Variants in GLI2 observed in about 807,000 individuals in gnomAD.
GLI2 encodes transcription activator GLI2.
GLI2 carries 22 observed loss-of-function variants against 78.9 expected under a neutral mutation model. The observed-to-expected ratio is 0.28, with a 90% CI of 0.20 to 0.40. The LOEUF is 0.40. Ranked by LOEUF, GLI2 falls within the 10% of genes least tolerant of loss-of-function variation. The pLI is 1.00. For missense variants in GLI2, 2,097 were observed against 2,213.2 expected, an observed-to-expected ratio of 0.95 and a Z score of 1.05; for synonymous variants, 974 against 963.7, an observed-to-expected ratio of 1.01 and a Z score of -0.20.
At chr2:120,786,152 G>A (rs1042293305) in intron 1 of GLI2, among the ~76,000 whole-genome samples, 2 of 152,194 alleles carry the variant, frequency 1.3e-5, no homozygotes, top group Non-Finnish European at 2.9e-5. Flanking sequence ...CACCCTGGAC[G>A]GGTCTCAGCG....
intron 5 of GLI2, among the ~76,000 whole-genome samples, chr2:120,965,989 A>G (rs1376860092): frequency 6.6e-6 from 1 of 152,220 alleles, no homozygotes; most frequent in African/African-American, 2.4e-5. Flanking sequence ...GCTTACTAAA[A>G]TATCTGTAAG....
intron 1 of GLI2, among the ~76,000 whole-genome samples, chr2:120,781,377 G>A (rs564145438): frequency 5.3e-5 from 8 of 152,314 alleles, no homozygotes; most frequent in South Asian, 2.1e-4. Context: ...TTGCCCTGCC[G>A]GGGTCAGAGC....
In GLI2 at chr2:120,992,274, C is replaced by G. The variant is rs559064382; in HGVS notation, c.*1599C>G. ...AGGGAACATTGCTAAGGGTCTGTGG[C>G]TCTGTGGTGGTGTTCATCGCCTTCC... On this transcript the variant is annotated 3_prime_UTR_variant, in exon 14 of 14. Transcript: ENST00000361492. 1 of 152,534 alleles carries G rather than the reference C, an allele frequency of 6.6e-6. No homozygotes were observed. The highest frequency in any genetic ancestry group is 1.5e-5 in the Non-Finnish European group (1 of 68,060). 9.4% of individuals were successfully genotyped at this position (152,534 alleles called of 1,614,324 possible).
intron 1 of GLI2, among the ~76,000 whole-genome samples, chr2:120,786,143 A>G (rs1169038424): frequency 6.6e-6 from 1 of 152,090 alleles, no homozygotes; most frequent in African/African-American, 2.4e-5. Context: ...TCTCCCCACC[A>G]CCCTGGACGG....
chr2:120,802,005 C>T (rs1684729385), intron 2 of GLI2, among the ~76,000 whole-genome samples: 2 of 152,186 alleles, frequency 1.3e-5, no homozygotes, highest in Non-Finnish European at 2.9e-5. Context: ...GAGTGTCCAG[C>T]CTTGGTAAGG....
intron 2 of GLI2, among the ~76,000 whole-genome samples, chr2:120,918,272 C>T (rs1679194484): frequency 6.6e-6 from 1 of 152,046 alleles, no homozygotes; most frequent in Non-Finnish European, 1.5e-5. Context: ...CGGTGGATGC[C>T]TTATATGAGT....
At chr2:120,963,565 GGT>G (rs1245773381) in intron 5 of GLI2, among the ~76,000 whole-genome samples, 1 of 151,664 alleles carries the variant, frequency 6.6e-6, no homozygotes, top group Non-Finnish European at 1.5e-5. Context: ...GTCCACCTGG[GGT>G]GTGTGTGTAT....
intron 2 of GLI2, among the ~76,000 whole-genome samples, chr2:120,920,445 T>C (rs1389733225): frequency 6.6e-6 from 1 of 152,192 alleles, no homozygotes; most frequent in African/African-American, 2.4e-5. Context: ...CAGGATCATT[T>C]CTAATGGGGC....
intron 1 of GLI2, among the ~76,000 whole-genome samples, chr2:120,742,767 T>C (rs2104622975): frequency 6.6e-6 from 1 of 152,306 alleles, no homozygotes; most frequent in African/African-American, 2.4e-5. Flanking sequence ...ATGATTTCTT[T>C]TCAATTCCTA....
chr2:120,850,390 C>T (rs183165954), intron 2 of GLI2, among the ~76,000 whole-genome samples: 12 of 152,298 alleles, frequency 7.9e-5, no homozygotes, highest in Non-Finnish European at 1.5e-4. Flanking sequence ...TTCCGATCAA[C>T]AGCAGTGAGT....
At chr2:120,750,496 C>A (rs1488778488) in intron 1 of GLI2, among the ~76,000 whole-genome samples, 1 of 152,220 alleles carries the variant, frequency 6.6e-6, no homozygotes, top group Non-Finnish European at 1.5e-5. Context: ...ATGAGGATAA[C>A]TCTAAGACCC....
chr2:120,741,562 T>C (rs1266583753), intron 1 of GLI2, among the ~76,000 whole-genome samples: 1 of 151,372 alleles, frequency 6.6e-6, no homozygotes, highest in African/African-American at 2.4e-5. Flanking sequence ...TCTCTCCCTC[T>C]CTTTTCTGTC....
At chr2:120,955,959 G>A (rs1207336413) in intron 5 of GLI2, among the ~76,000 whole-genome samples, 3 of 152,138 alleles carry the variant, frequency 2.0e-5, no homozygotes, top group East Asian at 1.9e-4. Flanking sequence ...GGGTGGGAGT[G>A]GGGGTGAGGC....
intron 2 of GLI2, among the ~76,000 whole-genome samples, chr2:120,888,724 C>T (rs540872071): frequency 1.2e-4 from 18 of 152,290 alleles, no homozygotes; most frequent in South Asian, 8.3e-4. Context: ...TGACTAGCAT[C>T]GACAATGCCA....
chr2:120,873,988 T>C (rs540368636), intron 2 of GLI2, among the ~76,000 whole-genome samples: 1 of 152,298 alleles, frequency 6.6e-6, no homozygotes, highest in Admixed American at 6.5e-5. Flanking sequence ...AGGGATAATC[T>C]GCTGCCCCCA....
chr2:120,927,167 A>G (rs1463168982), intron 2 of GLI2, among the ~76,000 whole-genome samples, 194 bp from the exon 3 acceptor site: 3 of 152,196 alleles, frequency 2.0e-5, no homozygotes, highest in African/African-American at 4.8e-5. Context: ...TATGTGAAAG[A>G]TGTAGAATTC....
At chr2:120,841,860 T>A (rs1686894758) in intron 2 of GLI2, among the ~76,000 whole-genome samples, 1 of 150,508 alleles carries the variant, frequency 6.6e-6, no homozygotes. Context: ...TGTGTGTGTG[T>A]GTGTGTGTGT....
At chr2:120,823,012 G>A (rs1685854795) in intron 2 of GLI2, among the ~76,000 whole-genome samples, 1 of 152,138 alleles carries the variant, frequency 6.6e-6, no homozygotes, top group Non-Finnish European at 1.5e-5. Context: ...CTGGACAGGT[G>A]TGCACAGAGG....
intron 2 of GLI2, among the ~76,000 whole-genome samples, chr2:120,920,870 A>T (rs1386089834): frequency 6.7e-6 from 1 of 148,288 alleles, no homozygotes; most frequent in Non-Finnish European, 1.5e-5. Flanking sequence ...CCGGAAGGAC[A>T]TGATTAATTT....
Sources: allele counts gnomAD v4.1 joint callset (sites outside exome capture counted in the v4.1 genomes callset), GRCh38; gene constraint gnomAD v4.1.1; transcripts MANE v1.5; gene names NCBI Gene and HGNC (gene_info 2026-07-23, HGNC 2026-07-21).